The following BMERB1 variants were observed in gnomAD, a reference collection of about 807,000 sequenced individuals.
BMERB1 encodes bMERB domain containing 1, also known as bMERB domain-containing protein 1.
Under a neutral mutation model 23.6 loss-of-function variants are expected in BMERB1, and 12 were observed. The ratio of observed to expected loss-of-function variants is 0.51; its 90% CI spans 0.33 to 0.82. The LOEUF (loss-of-function observed/expected upper bound fraction) is 0.82. Ranked by LOEUF, BMERB1 falls within the 40% of genes least tolerant of loss-of-function variation. The pLI, the probability that BMERB1 is intolerant of heterozygous loss-of-function variation, is 0.03. For missense variants in BMERB1, 247 were observed against 255.4 expected (o/e 0.97, Z 0.22); for synonymous variants, 122 against 96.6 (o/e 1.26, Z -1.54).
At position 15,587,143 on chromosome 16, in the gene BMERB1, T is replaced by C; in HGVS notation, c.*314T>C. On this transcript the variant is annotated 3_prime_UTR_variant, in exon 6 of 6. Transcript: ENST00000300006. ...ATCTCCACTTCTCTCTAGCTGTATCTAACCCACCGTGTGAATGAACTGGGA... is the reference window on the plus strand; with the variant it reads ...ATCTCCACTTCTCTCTAGCTGTATCCAACCCACCGTGTGAATGAACTGGGA... 2.9e-6 allele frequency: 1 copy of C among 342,450 alleles called. No individual in the cohort carries two copies. The allele number at this position is 342,450 out of a possible 1,614,324, so 21.2% of individuals were successfully genotyped here.
chr16:15,548,651 T>G (rs1364219014), intron 2 of BMERB1, among the ~76,000 whole-genome samples: 1 of 152,206 alleles, frequency 6.6e-6, no homozygotes, highest in East Asian at 1.9e-4. Context: ...TGCCCTACTT[T>G]GGGGCATCCA....
At position 15,588,109 on chromosome 16, in the gene BMERB1, G is replaced by A. The variant is rs998944704; in HGVS notation, c.*1280G>A. ...CAACTAGAGACCACTCTGATGTTTC[G>A]ACGTTTTAAAAAAGTCTTTTTTTGT... is the stretch of plus-strand genomic sequence containing the variant. On this transcript the variant is annotated 3_prime_UTR_variant, in exon 6 of 6. Coordinates refer to ENST00000300006, the MANE Select transcript of BMERB1 (RefSeq NM_033201.3). 1.3e-5 allele frequency: 2 copies of A among 150,162 alleles called. No individual in the cohort carries two copies. The highest frequency in any genetic ancestry group is 2.1e-4 in the South Asian group (1 of 4,786). 9.3% of individuals were successfully genotyped at this position (150,162 alleles called of 1,614,324 possible).
chr16:15,444,119 CTTTGTTTTTT>C (rs1262401823), intron 1 of BMERB1, among the ~76,000 whole-genome samples: 4 of 24,462 alleles, frequency 1.6e-4, no homozygotes, highest in Non-Finnish European at 3.2e-4. Context: ...CAGGCACCAG[CTTTGTTTTTT>C]TTTTTTTTTT....
At chr16:15,481,117 C>T (rs1227364802) in intron 1 of BMERB1, among the ~76,000 whole-genome samples, 1 of 152,002 alleles carries the variant, frequency 6.6e-6, no homozygotes, top group South Asian at 2.1e-4. Context: ...TGCAGAAGAT[C>T]TAATTGTATC....
chr16:15,502,181 T>C (rs1855921553), intron 1 of BMERB1: 2 of 1,037,794 alleles, frequency 1.9e-6, no homozygotes, highest in East Asian at 2.6e-5. Flanking sequence ...TGAATTACTT[T>C]TGTGTCCTTT....
At chr16:15,504,054 A>G (rs911290075) in intron 1 of BMERB1, among the ~76,000 whole-genome samples, 21 of 152,228 alleles carry the variant, frequency 1.4e-4, no homozygotes, top group African/African-American at 4.3e-4. Flanking sequence ...TGTCACTTAC[A>G]TGAATCACCT....
chr16:15,518,799 G>C (rs999339410), intron 2 of BMERB1, among the ~76,000 whole-genome samples: 2 of 151,436 alleles, frequency 1.3e-5, no homozygotes, highest in Non-Finnish European at 2.9e-5. Flanking sequence ...AGGGAAGGGA[G>C]TGGGAGAGAA....
chr16:15,537,224 G>A (rs2052033672), intron 2 of BMERB1, among the ~76,000 whole-genome samples: 1 of 152,162 alleles, frequency 6.6e-6, no homozygotes, highest in Non-Finnish European at 1.5e-5. Context: ...ATCATTCAAT[G>A]ACTATTGCTT....
intron 1 of BMERB1, among the ~76,000 whole-genome samples, chr16:15,489,106 G>A (rs2051393847): frequency 6.6e-6 from 1 of 152,082 alleles, no homozygotes; most frequent in African/African-American, 2.4e-5. Flanking sequence ...GTGTGTATCT[G>A]ATCCTATATC....
chr16:15,479,181 G>A (rs912243779), intron 1 of BMERB1, among the ~76,000 whole-genome samples: 1 of 152,100 alleles, frequency 6.6e-6, no homozygotes, highest in African/African-American at 2.4e-5. Context: ...TAGAATTCTG[G>A]AACACTTGTA....
intron 2 of BMERB1, among the ~76,000 whole-genome samples, chr16:15,551,793 G>A (rs2030100118): frequency 6.6e-6 from 1 of 152,166 alleles, no homozygotes; most frequent in Admixed American, 6.5e-5. Context: ...AGACGGCGAA[G>A]GGAAAGCAAG....
At chr16:15,524,215 G>A (rs1211302550) in intron 2 of BMERB1, among the ~76,000 whole-genome samples, 1 of 152,120 alleles carries the variant, frequency 6.6e-6, no homozygotes, top group Admixed American at 6.6e-5. Flanking sequence ...CACCATTGCC[G>A]GGGCCACTGT....
At chr16:15,452,559 A>G (rs898236031) in intron 1 of BMERB1, among the ~76,000 whole-genome samples, 2 of 152,100 alleles carry the variant, frequency 1.3e-5, no homozygotes, top group Admixed American at 6.6e-5. Context: ...ACCAGAGTCC[A>G]TTTCTGTTGC....
intron 1 of BMERB1, among the ~76,000 whole-genome samples, chr16:15,512,571 C>T (rs916507646): frequency 6.6e-6 from 1 of 151,952 alleles, no homozygotes; most frequent in South Asian, 2.1e-4. Context: ...ATAGCGAGAC[C>T]TCATCTCTAC....
At chr16:15,529,317 C>T (rs1237070840) in intron 2 of BMERB1, among the ~76,000 whole-genome samples, 1 of 152,122 alleles carries the variant, frequency 6.6e-6, no homozygotes. Flanking sequence ...TGAGCCACCG[C>T]GCCCGGCGGT....
At chr16:15,459,564 A>C (rs1413230310) in intron 1 of BMERB1, among the ~76,000 whole-genome samples, 3 of 152,188 alleles carry the variant, frequency 2.0e-5, no homozygotes, top group Admixed American at 1.3e-4. Flanking sequence ...AAACAACAAT[A>C]CAACAATTAT....
At chr16:15,573,434 G>C (rs1393257529) in intron 3 of BMERB1, among the ~76,000 whole-genome samples, 2 of 152,126 alleles carry the variant, frequency 1.3e-5, no homozygotes, top group Non-Finnish European at 2.9e-5. Context: ...GGTGGATGGG[G>C]GTGGGGGTGC....
intron 2 of BMERB1, among the ~76,000 whole-genome samples, chr16:15,552,953 G>A (rs2030138151): frequency 6.6e-6 from 1 of 152,140 alleles, no homozygotes; most frequent in Non-Finnish European, 1.5e-5. Flanking sequence ...GCAGGAGAAT[G>A]GCTTCAGCCC....
intron 2 of BMERB1, among the ~76,000 whole-genome samples, chr16:15,523,625 C>T (rs2051878267): frequency 1.3e-5 from 2 of 152,154 alleles, no homozygotes; most frequent in Non-Finnish European, 2.9e-5. Context: ...AACTGTGTGG[C>T]CTGGAGCAAA....
Sources: gnomAD v4.1 joint callset for allele counts (sites outside exome capture counted in the v4.1 genomes callset) on GRCh38, gnomAD v4.1.1 for gene constraint, MANE v1.5 for transcripts, NCBI Gene and HGNC (gene_info 2026-07-23, HGNC 2026-07-21) for gene names.